PAFAH1B2: variants seen among roughly 807,000 people sequenced by gnomAD.
PAFAH1B2 encodes platelet activating factor acetylhydrolase 1b catalytic subunit 2.
A neutral mutation model predicts 28.0 loss-of-function variants in PAFAH1B2; 8 were observed. The ratio of observed to expected loss-of-function variants is 0.29; its 90% CI spans 0.17 to 0.52. PAFAH1B2 has a LOEUF of 0.52. Ranked by LOEUF, PAFAH1B2 falls within the 20% of genes least tolerant of loss-of-function variation. The pLI is 0.97. For synonymous variants in PAFAH1B2, 104 were observed against 103.2 expected, an observed-to-expected ratio of 1.01 and a Z score of -0.05; for missense variants, 190 against 282.6, an observed-to-expected ratio of 0.67 and a Z score of 2.35.
intron 1 of PAFAH1B2, among the ~76,000 whole-genome samples, chr11:117,150,533 T>A (rs1956125574): frequency 6.6e-6 from 1 of 152,078 alleles, no homozygotes; most frequent in South Asian, 2.1e-4. Context: ...ATAATTAGTG[T>A]TAGTATTATT....
chr11:117,168,956 A>C lies in PAFAH1B2; in HGVS notation c.*1257A>C. ...CAGGTGCATGCCACCATGCCCGGCT[A>C]ATTTTTATATTTTTATTAGAGACGG... is the stretch of plus-strand genomic sequence containing the variant. On this transcript the variant is annotated 3_prime_UTR_variant, in exon 6 of 6. Transcript: ENST00000527958. 3.3e-6 allele frequency: 1 copy of C among 298,858 alleles called. No homozygotes were observed. Among genetic ancestry groups the C allele is most frequent in the East Asian group, 8.7e-5 (1 of 11,516 alleles). 18.5% of individuals were successfully genotyped at this position (298,858 alleles called of 1,614,324 possible). A position where few individuals can be genotyped will look rare whatever the true frequency, so the allele number is the denominator to read the frequency against.
downstream of PAFAH1B2, chr11:117,175,921 G>A (rs1444095890): frequency 2.0e-6 from 3 of 1,535,642 alleles, no homozygotes; most frequent in East Asian, 4.9e-5. Flanking sequence ...TTACTGGCAA[G>A]ATGAGCAGGA....
At chr11:117,149,687 C>A (rs1246677398) in intron 1 of PAFAH1B2, among the ~76,000 whole-genome samples, 1 of 151,770 alleles carries the variant, frequency 6.6e-6, no homozygotes, top group African/African-American at 2.4e-5. Context: ...CTGCCTCGGC[C>A]TCCCAAAGTG....
downstream of PAFAH1B2, chr11:117,171,508 C>G: frequency 3.5e-6 from 2 of 575,966 alleles, no homozygotes; most frequent in Non-Finnish European, 6.2e-6. Context: ...TGCACTCCAG[C>G]CTGGGCAACA....
intron 1 of PAFAH1B2, among the ~76,000 whole-genome samples, chr11:117,150,685 T>A (rs1277180395): frequency 6.6e-6 from 1 of 152,170 alleles, no homozygotes; most frequent in Non-Finnish European, 1.5e-5. Context: ...TGAATATAAC[T>A]CGATCTTCTT....
intron 1 of PAFAH1B2, among the ~76,000 whole-genome samples, chr11:117,147,174 G>T (rs1278709247): frequency 6.6e-6 from 1 of 152,112 alleles, no homozygotes. Context: ...ATGCTGAGAC[G>T]GGAGAATTGC....
Position 117,152,462 on chromosome 11 carries a change from C to T in PAFAH1B2, c.15C>T (p.Asp5=), listed in dbSNP as rs914205924. 1.9e-6 allele frequency: 3 copies of T among 1,613,492 alleles called. No homozygotes were observed. The highest frequency in any genetic ancestry group is 1.7e-6 in the Non-Finnish European group (2 of 1,179,398). The change falls in exon 2 of 6, where the codon GAC becomes GAT. Residue 5 remains aspartate, a synonymous_variant. Coordinates refer to ENST00000527958, the MANE Select transcript of PAFAH1B2 (RefSeq NM_002572.4). ...TCAGGTGTAGAATGAGCCAAGGAGACTCAAACCCAGCAGCTATTCCGCATG... is the reference window on the plus strand; with the variant it reads ...TCAGGTGTAGAATGAGCCAAGGAGATTCAAACCCAGCAGCTATTCCGCATG... MSQG[D]SNPAAIPHAA...
Position 117,167,611 on chromosome 11 carries a change from G to T in PAFAH1B2, c.602G>T (p.Gly201Val). ...GATTTTCTGCATCTGACAGGAGGGG[G>T]CTATGCAAAGATCTGCAAACCCCTG... ...MFDFLHLTGG[G>V]YAKICKPLHE... The change falls in exon 6 of 6, where the codon GGC (glycine) becomes GTC (valine). Residue 201 changes from glycine to valine, a missense_variant. Transcript: ENST00000527958. 1.2e-6 allele frequency: 2 copies of T among 1,611,792 alleles called. No homozygotes were observed. The highest frequency in any genetic ancestry group is 1.7e-6 in the Non-Finnish European group (2 of 1,178,440).
rs1956551971 is a variant in PAFAH1B2 at position 117,168,020 on chromosome 11, C to A, written c.*321C>A. On this transcript the variant is annotated 3_prime_UTR_variant, in exon 6 of 6. Transcript: ENST00000527958. ...GACAACATCAAGCCTAAATACTGAACAATATGAAGATTCTTTTCTTGGCCT... is the reference window on the plus strand; with the variant it reads ...GACAACATCAAGCCTAAATACTGAAAAATATGAAGATTCTTTTCTTGGCCT... The A allele has an allele frequency of 9.3e-7, 1 of 1,073,194 alleles. No individual in the cohort carries two copies. Among genetic ancestry groups the A allele is most frequent in the Non-Finnish European group, 1.1e-6 (1 of 884,956 alleles). 66.5% of individuals were successfully genotyped at this position (1,073,194 alleles called of 1,614,324 possible).
intron 1 of PAFAH1B2, among the ~76,000 whole-genome samples, chr11:117,146,840 A>AAG (rs1491194009): frequency 7.8e-4 from 10 of 12,786 alleles, no homozygotes; most frequent in Non-Finnish European, 6.2e-3. Flanking sequence ...CATCTATTGG[A>AAG]AAAAAAAAAA....
At chr11:117,149,970 G>A (rs1956110654) in intron 1 of PAFAH1B2, among the ~76,000 whole-genome samples, 1 of 151,972 alleles carries the variant, frequency 6.6e-6, no homozygotes, top group African/African-American at 2.4e-5. Flanking sequence ...GGCGGTGCAT[G>A]CCTGTAGTCC....
rs1319077185 is a variant in PAFAH1B2 at position 117,159,123 on chromosome 11, A to G, written c.82-811A>G. Reference sequence around the variant, plus strand: ...ACAAGAGGCAGATGTATATGTGTTCATTGTAATATGTCAACTTTCTGTGTA... The same window carrying G: ...ACAAGAGGCAGATGTATATGTGTTCGTTGTAATATGTCAACTTTCTGTGTA... On this transcript the variant is annotated intron_variant, in intron 2 of 5. Coordinates refer to ENST00000527958, the MANE Select transcript of PAFAH1B2 (RefSeq NM_002572.4). Among the ~76,000 whole-genome samples, 4 of 152,344 alleles carry G rather than the reference A, an allele frequency of 2.6e-5. No individual in the cohort carries two copies. In the East Asian group the frequency reaches 7.7e-4, roughly 29 times the overall value.
intron 2 of PAFAH1B2, among the ~76,000 whole-genome samples, chr11:117,158,178 T>C (rs549715824): frequency 1.3e-5 from 2 of 152,138 alleles, no homozygotes; most frequent in Non-Finnish European, 2.9e-5. Flanking sequence ...TTCTTTAGCA[T>C]TGATGGGTAA....
At chr11:117,162,447 A>ACT (rs1555031552) in intron 4 of PAFAH1B2, among the ~76,000 whole-genome samples, 4 of 143,270 alleles carry the variant, frequency 2.8e-5, no homozygotes, top group Non-Finnish European at 6.0e-5. Context: ...CGAGACTGTG[A>ACT]TTTTTTTTTT....
rs2134217842 is a variant in PAFAH1B2, at chr11:117,168,224, G to C, written c.*525G>C. 1 of 1,058,210 alleles carries C rather than the reference G, an allele frequency of 9.4e-7. No homozygotes were observed. Among genetic ancestry groups the C allele is most frequent in the East Asian group, 5.1e-5 (1 of 19,498 alleles). 65.6% of individuals were successfully genotyped at this position (1,058,210 alleles called of 1,614,324 possible). On this transcript the variant is annotated 3_prime_UTR_variant, in exon 6 of 6. Transcript: ENST00000527958. ...CATCAGGTTGAACATGCTTGTCATTGATATATGGAAGATGCTATAGTTAGA... is the reference window on the plus strand; with the variant it reads ...CATCAGGTTGAACATGCTTGTCATTCATATATGGAAGATGCTATAGTTAGA...
chr11:117,168,192 CAT>C lies in PAFAH1B2; in HGVS notation c.*494_*495del, dbSNP rs1334601604. On this transcript the variant is annotated 3_prime_UTR_variant, in exon 6 of 6. Transcript: ENST00000527958. Reference sequence around the variant, plus strand: ...TTATGTATACTGAATATTTTATTAACATGTAGCATCAGGTTGAACATGCTTGT... The same window carrying C: ...TTATGTATACTGAATATTTTATTAACGTAGCATCAGGTTGAACATGCTTGT... The C allele has an allele frequency of 1.5e-5, 16 of 1,046,304 alleles. No individual in the cohort carries two copies. Among genetic ancestry groups the C allele is most frequent in the East Asian group, 5.2e-5 (1 of 19,182 alleles). 64.8% of individuals were successfully genotyped at this position (1,046,304 alleles called of 1,614,324 possible).
At chr11:117,172,384 A>T (rs1956682269), downstream of PAFAH1B2, among the ~76,000 whole-genome samples, 14 of 1,892 alleles carry the variant, frequency 7.4e-3, no homozygotes, top group South Asian at 0.036. Flanking sequence ...ATATATATAT[A>T]TATATATATA....
In PAFAH1B2 at chr11:117,155,168, C is replaced by T. The variant is rs549030676; in HGVS notation, c.81+2640C>T. ...CGAGGTTTCCCCGTGTTGGTCAAGC[C>T]GGTCTTGAACTCCTGACCTCAGGTG... On this transcript the variant is annotated intron_variant, in intron 2 of 5. Coordinates refer to ENST00000527958, the MANE Select transcript of PAFAH1B2 (RefSeq NM_002572.4). 3.3e-5 allele frequency among the ~76,000 whole-genome samples: 5 copies of T among 152,050 alleles called. 1 individual carries two copies. Among genetic ancestry groups the T allele is most frequent in the South Asian group, 4.2e-4 (2 of 4,812 alleles).
At chr11:117,159,561 C>G (rs777186952) in intron 2 of PAFAH1B2, 12 of 173,290 alleles carry the variant, frequency 6.9e-5, no homozygotes, top group Non-Finnish European at 1.4e-4. Context: ...GGTAAAACCT[C>G]GTCTCTACAA....
Sources: allele counts gnomAD v4.1 joint callset (sites outside exome capture counted in the v4.1 genomes callset), GRCh38; gene constraint gnomAD v4.1.1; transcripts MANE v1.5; gene names NCBI Gene and HGNC (gene_info 2026-07-23, HGNC 2026-07-21).